The following CAST variants were observed in gnomAD, a reference collection of about 807,000 sequenced individuals.
CAST encodes calpastatin.
A neutral mutation model predicts 119.6 loss-of-function variants in CAST; 76 were observed. The observed-to-expected ratio is 0.64, with a 90% CI of 0.53 to 0.77. The LOEUF is 0.77. CAST is among the 30% of genes least tolerant of loss of function. CAST has a pLI of 0.00. For synonymous variants in CAST, 319 were observed against 331.6 expected (o/e 0.96, Z 0.41); for missense variants, 953 against 946.5 (o/e 1.01, Z -0.09).
chr5:96,029,143 G>A, the CAST span, among the ~76,000 whole-genome samples: 1 of 152,048 alleles, frequency 6.6e-6, no homozygotes, highest in African/African-American at 2.4e-5. Flanking sequence ...AATACTCTAG[G>A]CTATACAATG....
At chr5:96,065,369 G>A in the CAST span, among the ~76,000 whole-genome samples, 1 of 151,462 alleles carries the variant, frequency 6.6e-6, no homozygotes, top group Non-Finnish European at 1.5e-5. Flanking sequence ...TGGGGTCCTG[G>A]AAATTCTTTA....
chr5:96,528,170 A>T (rs1316805349), upstream of CAST, among the ~76,000 whole-genome samples: 1 of 152,180 alleles, frequency 6.6e-6, no homozygotes, highest in African/African-American at 2.4e-5. Context: ...AAAGTCATAC[A>T]GCTAGGAATT....
chr5:95,988,369 ATG>A, the CAST span, among the ~76,000 whole-genome samples: 3 of 151,244 alleles, frequency 2.0e-5, no homozygotes, highest in Non-Finnish European at 3.0e-5. Context: ...AGCTGCCGGT[ATG>A]TGTGTGTGTG....
chr5:96,633,877 C>T (rs1290165863), intron 1 of CAST, among the ~76,000 whole-genome samples: 3 of 152,222 alleles, frequency 2.0e-5, no homozygotes, highest in Admixed American at 2.0e-4. Flanking sequence ...GTGTTTCAGG[C>T]CTTCCCCTGT....
At chr5:96,757,785 G>T in intron 24 of CAST, 131 bp downstream of exon 24, 2 of 631,668 alleles carry the variant, frequency 3.2e-6, no homozygotes, top group Non-Finnish European at 5.5e-6. Context: ...CCACCTTCCA[G>T]ATTCAAGCGA....
chr5:96,534,748 A>G (rs1318636554), intron 1 of CAST, among the ~76,000 whole-genome samples: 396 of 18,598 alleles, frequency 0.021, 5 homozygotes, highest in East Asian at 0.045. Context: ...AGAGAAAGAA[A>G]GAAAGAAAGA....
chr5:96,416,153 T>A, the CAST span: 1 of 1,419,768 alleles, frequency 7.0e-7, no homozygotes, highest in Non-Finnish European at 1.0e-6. Flanking sequence ...TTATAAAACA[T>A]ACAGAAGAAC....
chr5:96,217,204 A>ATTTTTTT, the CAST span, among the ~76,000 whole-genome samples: 5 of 97,024 alleles, frequency 5.2e-5, 1 homozygote, highest in East Asian at 3.5e-4. Flanking sequence ...ATGCTAGCTA[A>ATTTTTTT]TTTTTTTTTT....
intron 1 of CAST, among the ~76,000 whole-genome samples, chr5:96,574,030 T>TG: frequency 1.5e-4 from 1 of 6,782 alleles, no homozygotes; most frequent in African/African-American, 1.9e-3. Context: ...CACTTTCTTT[T>TG]TTTTTTTTTT....
the CAST span, among the ~76,000 whole-genome samples, chr5:96,069,585 T>G: frequency 6.6e-6 from 1 of 151,482 alleles, no homozygotes; most frequent in African/African-American, 2.4e-5. Context: ...TGGGCTCAAG[T>G]GGTCCTTCCA....
the CAST span, among the ~76,000 whole-genome samples, chr5:96,194,197 A>G: frequency 1.3e-5 from 2 of 152,202 alleles, no homozygotes; most frequent in African/African-American, 4.8e-5. Context: ...ATATTAAGTT[A>G]TACATACATA....
the CAST span, among the ~76,000 whole-genome samples, chr5:96,140,501 T>C: frequency 4.6e-5 from 7 of 152,230 alleles, no homozygotes; most frequent in Non-Finnish European, 8.8e-5. Flanking sequence ...TCAATTCTTT[T>C]GGCAAACTCA....
chr5:96,120,018 C>T, the CAST span, among the ~76,000 whole-genome samples: 78 of 152,146 alleles, frequency 5.1e-4, no homozygotes, highest in East Asian at 3.9e-4. Flanking sequence ...CGTTTTATTC[C>T]GAGATATCTT....
the CAST span, chr5:96,215,091 A>ATG: frequency 1.3e-5 from 2 of 152,190 alleles, no homozygotes; most frequent in Admixed American, 6.6e-5. Flanking sequence ...GAAAAACCAG[A>ATG]TGAGGAAATT....
the CAST span, among the ~76,000 whole-genome samples, chr5:95,993,337 A>G: frequency 4.9e-4 from 75 of 152,338 alleles, no homozygotes; most frequent in East Asian, 0.013. Flanking sequence ...AAGCTAGAAA[A>G]AGAATTATAG....
At chr5:96,354,205 C>T in the CAST span, among the ~76,000 whole-genome samples, 1 of 152,164 alleles carries the variant, frequency 6.6e-6, no homozygotes, top group Non-Finnish European at 1.5e-5. Flanking sequence ...TTTCCCCTTC[C>T]CAATCTTATC....
chr5:96,340,333 C>T, the CAST span, among the ~76,000 whole-genome samples: 7 of 152,248 alleles, frequency 4.6e-5, no homozygotes, highest in Non-Finnish European at 8.8e-5. Flanking sequence ...GAAAGCAGCT[C>T]GCCCCTTCTG....
chr5:96,537,010 G>A (rs898387197), intron 1 of CAST, among the ~76,000 whole-genome samples: 5 of 152,176 alleles, frequency 3.3e-5, no homozygotes, highest in African/African-American at 1.2e-4. Flanking sequence ...TCTACCCAGT[G>A]CTCAAATTAA....
At chr5:96,451,980 G>A in the CAST span, among the ~76,000 whole-genome samples, 2 of 152,198 alleles carry the variant, frequency 1.3e-5, no homozygotes, top group Admixed American at 1.3e-4. Context: ...TCATTAAAAA[G>A]TCAGGAAACA....
Sources: allele counts gnomAD v4.1 joint callset (sites outside exome capture counted in the v4.1 genomes callset), GRCh38; gene constraint gnomAD v4.1.1; transcripts MANE v1.5; gene names NCBI Gene and HGNC (gene_info 2026-07-23, HGNC 2026-07-21).